Variants in NEK11 observed in about 807,000 individuals in gnomAD.
The protein encoded by NEK11 is NIMA related kinase 11.
NEK11 carries 72 observed loss-of-function variants against 80.7 expected under a neutral mutation model. The ratio of observed to expected loss-of-function variants is 0.89; its 90% CI spans 0.74 to 1.08. The LOEUF is 1.08. Ranked by LOEUF, NEK11 falls within the 50% of genes least tolerant of loss-of-function variation. The pLI is 0.00. For missense variants in NEK11, 764 were observed against 763.6 expected (o/e 1.00, Z -0.01); for synonymous variants, 251 against 260.7 (o/e 0.96, Z 0.36).
intron 14 of NEK11, among the ~76,000 whole-genome samples, chr3:131,190,473 T>G (rs2093753311): frequency 1.3e-5 from 2 of 152,020 alleles, no homozygotes; most frequent in Non-Finnish European, 2.9e-5. Flanking sequence ...TTTAAAAGAG[T>G]GTAGCTTCTT....
chr3:131,071,275 C>T (rs1188844637), intron 3 of NEK11, among the ~76,000 whole-genome samples: 8 of 152,176 alleles, frequency 5.3e-5, no homozygotes, highest in African/African-American at 1.7e-4. Flanking sequence ...TATCTCCTAT[C>T]ACTAGAGAAC....
At chr3:131,132,699 A>G in intron 5 of NEK11, 46 bp from the exon 6 acceptor site, 1 of 1,002,334 alleles carries the variant, frequency 1.0e-6, no homozygotes, top group Non-Finnish European at 1.5e-6. Flanking sequence ...GGATTTAAAA[A>G]TGTTATATTC....
At position 131,336,574 on chromosome 3, in the gene NEK11, T is replaced by C. The variant is rs1437808403; in HGVS notation, c.1719-12983T>C. Among the ~76,000 whole-genome samples the C allele has an allele frequency of 3.3e-5, 5 of 152,228 alleles. No homozygotes were observed. The South Asian group carries it at 6.2e-4, about 19-fold the overall frequency. On this transcript the variant is annotated intron_variant, in intron 17 of 17. Transcript: ENST00000383366. ...TAGGCGTGGGCAAGGACTTCATGTC[T>C]AAAACACCAAAAGCAATGGCAACAA...
At chr3:131,142,232 A>G (rs2674611) in intron 7 of NEK11, among the ~76,000 whole-genome samples, 126,243 of 152,206 alleles carry the variant, frequency 0.83, 52,472 homozygotes, top group East Asian at 0.93. Context: ...AGCAAGTCCT[A>G]TGCCAATTCC....
chr3:131,232,443 C>T (rs778914625), intron 15 of NEK11, among the ~76,000 whole-genome samples: 2 of 152,140 alleles, frequency 1.3e-5, no homozygotes, highest in East Asian at 1.9e-4. Flanking sequence ...AATAATGACT[C>T]GACACAAATC....
chr3:131,203,423 C>T (rs1407535459), intron 14 of NEK11, among the ~76,000 whole-genome samples: 1 of 119,320 alleles, frequency 8.4e-6, no homozygotes, highest in African/African-American at 3.3e-5. Flanking sequence ...ACACTGGGGC[C>T]TGTTGTGGGG....
intron 14 of NEK11, chr3:131,175,280 A>G (rs2092940000): frequency 4.1e-6 from 1 of 246,464 alleles, no homozygotes; most frequent in Admixed American, 6.5e-5. Flanking sequence ...ATGCATCTAC[A>G]AGAAGACCTG....
intron 14 of NEK11, among the ~76,000 whole-genome samples, chr3:131,222,239 G>A (rs1218801565): frequency 3.9e-5 from 6 of 152,134 alleles, no homozygotes; most frequent in African/African-American, 1.4e-4. Flanking sequence ...TGTGACCTTC[G>A]GTTGGTCATT....
At chr3:131,323,906 C>A (rs2096926893) in intron 17 of NEK11, among the ~76,000 whole-genome samples, 1 of 152,186 alleles carries the variant, frequency 6.6e-6, no homozygotes, top group Non-Finnish European at 1.5e-5. Flanking sequence ...GGTTATTGTG[C>A]TTCTGTGTCA....
chr3:131,048,508 C>T (rs951576763), intron 3 of NEK11, among the ~76,000 whole-genome samples: 3 of 152,194 alleles, frequency 2.0e-5, no homozygotes, highest in African/African-American at 7.2e-5. Context: ...ACTTGGCTCT[C>T]TAAATTTGTC....
At chr3:131,155,293 C>T (rs1297924215) in intron 10 of NEK11, among the ~76,000 whole-genome samples, 172 bp downstream of exon 10, 1 of 152,166 alleles carries the variant, frequency 6.6e-6, no homozygotes. Context: ...CCCTTTACCC[C>T]AGGTGGTAGC....
At chr3:131,109,949 T>C in intron 5 of NEK11, 28 bp downstream of exon 5, 1 of 1,562,402 alleles carries the variant, frequency 6.4e-7, no homozygotes. Flanking sequence ...TGGGGGAGCA[T>C]GATATATTTT....
intron 15 of NEK11, among the ~76,000 whole-genome samples, chr3:131,230,631 A>T (rs766672974): frequency 2.0e-5 from 3 of 152,172 alleles, no homozygotes; most frequent in Non-Finnish European, 4.4e-5. Context: ...TTTTTTAAAA[A>T]TTCCTTCTTA....
intron 17 of NEK11, among the ~76,000 whole-genome samples, chr3:131,291,898 T>C (rs1195895294): frequency 2.0e-5 from 3 of 152,214 alleles, no homozygotes; most frequent in Non-Finnish European, 4.4e-5. Context: ...TGGCTTGTCT[T>C]CTCATTCTCT....
At chr3:131,193,417 C>A (rs1309349442) in intron 14 of NEK11, among the ~76,000 whole-genome samples, 1 of 152,102 alleles carries the variant, frequency 6.6e-6, no homozygotes, top group African/African-American at 2.4e-5. Flanking sequence ...TTGAGAACTT[C>A]TATTCTAGGC....
intron 3 of NEK11, among the ~76,000 whole-genome samples, chr3:131,063,378 A>C (rs1214787547): frequency 6.6e-6 from 1 of 152,200 alleles, no homozygotes; most frequent in Admixed American, 6.5e-5. Context: ...TGGTTAATTA[A>C]GATAATTCAG....
intron 17 of NEK11, among the ~76,000 whole-genome samples, chr3:131,289,270 A>C (rs1473109375): frequency 6.6e-6 from 1 of 152,200 alleles, no homozygotes; most frequent in Non-Finnish European, 1.5e-5. Context: ...GACACCAGTC[A>C]GATTAGATTA....
chr3:131,346,857 GATA>G (rs1470374376), intron 17 of NEK11, among the ~76,000 whole-genome samples: 2 of 152,154 alleles, frequency 1.3e-5, no homozygotes, highest in South Asian at 4.1e-4. Flanking sequence ...GAGGTCAATT[GATA>G]TGATCATGGG....
At chr3:131,121,954 C>G (rs1195310911) in intron 5 of NEK11, among the ~76,000 whole-genome samples, 1 of 152,234 alleles carries the variant, frequency 6.6e-6, no homozygotes, top group African/African-American at 2.4e-5. Context: ...GATGCCCCGC[C>G]CTGCTTCAGC....
Sources: gnomAD v4.1 joint callset for allele counts (sites outside exome capture counted in the v4.1 genomes callset) on GRCh38, gnomAD v4.1.1 for gene constraint, MANE v1.5 for transcripts, NCBI Gene and HGNC (gene_info 2026-07-23, HGNC 2026-07-21) for gene names.